Variants in FBXO11 observed in about 807,000 individuals in gnomAD.
The protein encoded by FBXO11 is F-box protein 11.
FBXO11 carries 13 observed loss-of-function variants against 117.0 expected under a neutral mutation model. The ratio of observed to expected loss-of-function variants is 0.11; its 90% CI spans 0.07 to 0.18. The LOEUF is 0.18. Among genes scored for constraint, FBXO11 ranks in the 10% least tolerant of loss-of-function variants. The pLI is 1.00. For synonymous variants in FBXO11, 490 were observed against 380.5 expected (o/e 1.29, Z -3.35); for missense variants, 767 against 1,164.4 (o/e 0.66, Z 4.97).
chr2:47,831,006 C>G (rs1344736154), intron 11 of FBXO11, among the ~76,000 whole-genome samples: 2 of 151,946 alleles, frequency 1.3e-5, no homozygotes, highest in African/African-American at 4.8e-5. Context: ...ACCATGTTGT[C>G]CAGGCTGGTT....
At chr2:47,886,889 A>C (rs1676893978) in intron 1 of FBXO11, among the ~76,000 whole-genome samples, 1 of 152,236 alleles carries the variant, frequency 6.6e-6, no homozygotes, top group African/African-American at 2.4e-5. Context: ...AAAATTAAAA[A>C]TTAACTGAGC....
At chr2:47,808,296 T>C (rs560624817) in intron 22 of FBXO11, 33 bp downstream of exon 22, 5 of 1,612,520 alleles carry the variant, frequency 3.1e-6, no homozygotes, top group South Asian at 1.1e-5. Context: ...GGGAAAGTAA[T>C]TGGGTAATAT....
chr2:47,814,005 G>A (rs1670824817), intron 16 of FBXO11, 138 bp from the exon 17 acceptor site: 1 of 629,782 alleles, frequency 1.6e-6, no homozygotes, highest in Non-Finnish European at 2.8e-6. Context: ...AAGATGCCCT[G>A]AGAAGAAAGT....
chr2:47,887,647 G>C (rs1460744000), intron 1 of FBXO11, among the ~76,000 whole-genome samples: 2 of 152,098 alleles, frequency 1.3e-5, no homozygotes, highest in Non-Finnish European at 2.9e-5. Flanking sequence ...AACTGCTGGA[G>C]CCCAGGAGTT....
intron 18 of FBXO11, chr2:47,811,418 T>G (rs1670604165): frequency 6.6e-6 from 1 of 152,256 alleles, no homozygotes; most frequent in Non-Finnish European, 1.5e-5. Flanking sequence ...TTTCACCATG[T>G]TGGCCAGGCT....
chr2:47,862,692 G>C (rs1399647556), intron 1 of FBXO11, among the ~76,000 whole-genome samples: 1 of 152,104 alleles, frequency 6.6e-6, no homozygotes, highest in Non-Finnish European at 1.5e-5. Context: ...CACAGTACAA[G>C]TACATAAATG....
intron 19 of FBXO11, 61 bp downstream of exon 19, chr2:47,810,255 T>G: frequency 9.1e-7 from 1 of 1,100,210 alleles, no homozygotes; most frequent in Non-Finnish European, 1.3e-6. Flanking sequence ...ATGAATATAC[T>G]CCACATCAAA....
intron 11 of FBXO11, among the ~76,000 whole-genome samples, chr2:47,829,611 G>T (rs1000140122): frequency 6.6e-6 from 1 of 151,878 alleles, no homozygotes; most frequent in African/African-American, 2.4e-5. Context: ...ACAAACAAAA[G>T]ACAATTGGAG....
chr2:47,864,512 G>A (rs1278048367), intron 1 of FBXO11, among the ~76,000 whole-genome samples: 2 of 151,966 alleles, frequency 1.3e-5, no homozygotes, highest in Non-Finnish European at 2.9e-5. Context: ...GCTTGAACCC[G>A]GGAGGCAGAG....
intron 1 of FBXO11, among the ~76,000 whole-genome samples, chr2:47,875,124 C>T (rs1008124541): frequency 2.6e-5 from 4 of 152,038 alleles, no homozygotes; most frequent in South Asian, 2.1e-4. Flanking sequence ...CTTTCCACAA[C>T]GATGACAATG....
chr2:47,820,411 A>G lies in FBXO11; in HGVS notation c.1748T>C (p.Ile583Thr). ...GIQIRTNSCP[I>T]VRHNKIHDGQ... ...ATCATGAATTTTGTTATGCCGAACA[A>G]TTGGACAACTGTTTGTCCTAATTTG... Residue 583 changes from isoleucine to threonine, a missense_variant, in exon 14 of 23, where the codon ATT becomes ACT. Ile to Thr is a moderately conservative substitution (Grantham distance 89). Transcript: ENST00000403359. 6.2e-7 allele frequency: 1 copy of G among 1,613,924 alleles called. No homozygotes were observed. Among genetic ancestry groups the G allele is most frequent in the Non-Finnish European group, 8.5e-7 (1 of 1,179,958 alleles).
At chr2:47,888,195 T>G (rs1558475630) in intron 1 of FBXO11, among the ~76,000 whole-genome samples, 1 of 152,112 alleles carries the variant, frequency 6.6e-6, no homozygotes, top group Admixed American at 6.6e-5. Context: ...AACAGATCAG[T>G]AGGTCCAACA....
At position 47,905,689 on chromosome 2, in the gene FBXO11, G is replaced by A. The variant is rs1678757256; in HGVS notation, c.32C>T (p.Pro11Leu). The part of the protein sequence containing the change: MNSVRAANRR[P>L]RRVSRPRPVQ... Reference sequence around the variant, plus strand: ...CGGGCGCGGCCGCGACACTCGCCTGGGTCTCCGGTTGGCGGCTCGGACGGA... The same window carrying A: ...CGGGCGCGGCCGCGACACTCGCCTGAGTCTCCGGTTGGCGGCTCGGACGGA... Residue 11 changes from proline (P) to leucine (L), a missense_variant, in exon 1 of 23, where the codon CCC becomes CTC. Physicochemically the swap from Pro to Leu is moderately conservative, Grantham distance 98. This residue lies in a region of FBXO11 where 355 missense variants were observed against 299.8 expected (regional missense o/e 1.18). Transcript: ENST00000403359. The A allele has an allele frequency of 1.3e-6, 2 of 1,520,404 alleles. No individual in the cohort carries two copies. Among genetic ancestry groups the A allele is most frequent in the Non-Finnish European group, 1.8e-6 (2 of 1,136,370 alleles). The allele number at this position is 1,520,404 out of a possible 1,614,324, so 94.2% of individuals were successfully genotyped here.
intron 1 of FBXO11, among the ~76,000 whole-genome samples, chr2:47,886,235 C>T (rs538912059): frequency 3.9e-5 from 6 of 152,064 alleles, no homozygotes; most frequent in South Asian, 2.1e-4. Context: ...TCGCCAGGCA[C>T]GGTGCCTCAC....
intron 1 of FBXO11, among the ~76,000 whole-genome samples, chr2:47,892,385 T>G (rs1007417715): frequency 6.6e-6 from 1 of 152,246 alleles, no homozygotes; most frequent in Admixed American, 6.5e-5. Flanking sequence ...TTAACACATG[T>G]CACTGATTGG....
At chr2:47,820,752 T>C (rs1671320370) in intron 13 of FBXO11, among the ~76,000 whole-genome samples, 1 of 152,216 alleles carries the variant, frequency 6.6e-6, no homozygotes, top group Non-Finnish European at 1.5e-5. Context: ...TCAGTAAGTA[T>C]CTTTGTGCCT....
At chr2:47,870,727 C>T (rs780502237) in intron 1 of FBXO11, among the ~76,000 whole-genome samples, 8 of 152,140 alleles carry the variant, frequency 5.3e-5, no homozygotes, top group Non-Finnish European at 1.0e-4. Context: ...CAGTGTGTGG[C>T]AGTTTGATAT....
chr2:47,822,402 C>A, intron 12 of FBXO11, 99 bp from the exon 13 acceptor site: 1 of 694,078 alleles, frequency 1.4e-6, no homozygotes, highest in Non-Finnish European at 2.4e-6. Flanking sequence ...TAACAAATTA[C>A]ATAAACTTCT....
intron 1 of FBXO11, among the ~76,000 whole-genome samples, chr2:47,901,629 C>T (rs957008309): frequency 6.6e-6 from 1 of 151,942 alleles, no homozygotes; most frequent in African/African-American, 2.4e-5. Context: ...GAGATGGAGT[C>T]TCATTCTGTC....
Sources: allele counts gnomAD v4.1 joint callset (sites outside exome capture counted in the v4.1 genomes callset), GRCh38; gene constraint gnomAD v4.1.1; regional missense constraint gnomAD v4.1.1; transcripts MANE v1.5; gene names NCBI Gene and HGNC (gene_info 2026-07-23, HGNC 2026-07-21).